The following CASK variants were observed in gnomAD, a reference collection of about 807,000 sequenced individuals.
CASK encodes calcium/calmodulin dependent serine protein kinase, also known as peripheral plasma membrane protein CASK.
A neutral mutation model predicts 82.9 loss-of-function variants in CASK; 4 were observed. The ratio of observed to expected loss-of-function variants is 0.05; its 90% confidence interval spans 0.02 to 0.11. CASK has a LOEUF of 0.11. Among genes scored for constraint, CASK ranks in the 10% least tolerant of loss-of-function variants. The pLI, the probability that CASK is intolerant of heterozygous loss-of-function variation, is 1.00. For synonymous variants in CASK, 259 were observed against 253.5 expected (o/e 1.02, Z -0.20); for missense variants, 358 against 720.9 (o/e 0.50, Z 5.76).
chrX:41,625,942 CTTT>C (rs748063155), intron 10 of CASK, among the ~76,000 whole-genome samples: 12 of 40,353 alleles, frequency 3.0e-4, no homozygotes, highest in East Asian at 2.0e-3. Context: ...GCACGCCTGG[CTTT>C]TTTTTTTTTT....
At chrX:41,611,598 G>GCTCTCCCTCTCCCTCTCC (rs1199138423) in intron 11 of CASK, among the ~76,000 whole-genome samples, 11 of 101,501 alleles carry the variant, frequency 1.1e-4, no homozygotes, top group African/African-American at 3.7e-4. Context: ...CAAGAAAGCA[G>GCTCTCCCTCTCCCTCTCC]CTCTCCCTCT....
At chrX:41,837,108 C>T (rs979665353) in intron 2 of CASK, among the ~76,000 whole-genome samples, 2 of 111,991 alleles carry the variant, frequency 1.8e-5, no homozygotes, top group Admixed American at 1.9e-4. Flanking sequence ...CTAATTATCT[C>T]TTTCATGGAA....
chrX:41,771,927 C>A (rs2069251312), intron 3 of CASK, among the ~76,000 whole-genome samples: 2 of 110,670 alleles, frequency 1.8e-5, no homozygotes, highest in South Asian at 3.8e-4. Context: ...ACAAGAGGTA[C>A]AAATAAAACC....
At chrX:41,902,427 T>C (rs1416369951) in intron 1 of CASK, among the ~76,000 whole-genome samples, 1 of 111,331 alleles carries the variant, frequency 9.0e-6, no homozygotes, top group Non-Finnish European at 1.9e-5. Flanking sequence ...AAACTCTGGT[T>C]GATTCCATTG....
At position 41,660,116 on chromosome X, in the gene CASK, T is replaced by C. The variant is rs2067009494; in HGVS notation, c.831+323A>G. On this transcript the variant is annotated intron_variant, in intron 8 of 26. Transcript: ENST00000378163. ...ACACCCAAAATAAAGATAGTTAATT[T>C]ATTATAACATGGTATTACTTCAGTT... The C allele has an allele frequency of 2.1e-5, 7 of 331,975 alleles. No homozygotes were observed. The South Asian group carries it at 5.1e-4, about 24-fold the overall frequency. The allele number at this position is 331,975 out of a possible 1,213,427, so 27.4% of individuals were successfully genotyped here. A position where few individuals can be genotyped will look rare whatever the true frequency, so the allele number is the denominator to read the frequency against.
intron 2 of CASK, among the ~76,000 whole-genome samples, chrX:41,804,260 A>T (rs2070064146): frequency 9.0e-6 from 1 of 110,733 alleles, no homozygotes. Flanking sequence ...AGGCATGATA[A>T]CTGCTTGAAC....
intron 1 of CASK, among the ~76,000 whole-genome samples, chrX:41,898,115 G>C (rs1380702430): frequency 9.0e-6 from 1 of 110,823 alleles, no homozygotes; most frequent in African/African-American, 3.3e-5. Flanking sequence ...TTTCTTTTGG[G>C]GGAGGTTTTT....
At position 41,795,210 on chromosome X, in the gene CASK, A is replaced by G. The variant is rs556806110; in HGVS notation, c.173-7927T>C. Reference sequence around the variant, plus strand: ...TTATCGTAAAGAAATAACTACCAATATGTGATACTTATTTGAAAAAGGACC... The same window carrying G: ...TTATCGTAAAGAAATAACTACCAATGTGTGATACTTATTTGAAAAAGGACC... On this transcript the variant is annotated intron_variant, in intron 2 of 26. Transcript: ENST00000378163. Among the ~76,000 whole-genome samples, 74 of 112,675 alleles carry G rather than the reference A, an allele frequency of 6.6e-4. No homozygotes were observed. In the South Asian group the frequency reaches 0.026, roughly 39 times the overall value.
rs1234004813 is a variant in CASK, at chrX:41,583,068, C to G, written c.1314+3839G>C. 1.1e-4 allele frequency among the ~76,000 whole-genome samples: 12 copies of G among 111,821 alleles called. No individual in the cohort carries two copies. In the Admixed American group the frequency reaches 1.1e-3, roughly 11 times the overall value. ...TGCCTGGCATAGTGTGCCTGGCATA[C>G]AGTAGGCATTTACTTATTTGATAAA... On this transcript the variant is annotated intron_variant, in intron 14 of 26. Coordinates refer to ENST00000378163, the MANE Select transcript of CASK (RefSeq NM_001367721.1).
intron 11 of CASK, among the ~76,000 whole-genome samples, chrX:41,612,417 C>T (rs1259598155): frequency 1.9e-5 from 2 of 104,741 alleles, no homozygotes; most frequent in Admixed American, 9.9e-5. Context: ...GGAGCCCCTC[C>T]GCCCGGCAGC....
chrX:41,572,372 CCTGTT>C lies in CASK; in HGVS notation c.1504-2631_1504-2627del, dbSNP rs1464373062. Among the ~76,000 whole-genome samples the C allele has an allele frequency of 1.8e-5, 2 of 110,987 alleles. 1 individual carries two copies. Among genetic ancestry groups the C allele is most frequent in the African/African-American group, 6.6e-5 (2 of 30,079 alleles). Reference sequence around the variant, plus strand: ...TGCTATTTGACTTCTATTTGTTCCACCTGTTCTGTTATCTTTTTCTGCCTTTCTTT... The same window carrying C: ...TGCTATTTGACTTCTATTTGTTCCACCTGTTATCTTTTTCTGCCTTTCTTT... On this transcript the variant is annotated intron_variant, in intron 15 of 26. Transcript: ENST00000378163.
At chrX:41,836,476 ATAAT>A (rs1182559670) in intron 2 of CASK, among the ~76,000 whole-genome samples, 1 of 110,054 alleles carries the variant, frequency 9.1e-6, no homozygotes, top group African/African-American at 3.3e-5. Context: ...TTAAGAATCT[ATAAT>A]TAATAATACC....
At chrX:41,676,432 G>A in intron 5 of CASK, 15 of 1,197,669 alleles carry the variant, frequency 1.3e-5, no homozygotes, top group Non-Finnish European at 1.7e-5. Context: ...AGGCTGCCAT[G>A]TCATCATATC....
intron 15 of CASK, among the ~76,000 whole-genome samples, chrX:41,577,983 G>A (rs747901616): frequency 8.9e-6 from 1 of 112,153 alleles, no homozygotes; most frequent in South Asian, 3.7e-4. Context: ...TTTTTACAAT[G>A]TTACTAGACA....
Position 41,704,509 on chromosome X carries a change from G to A in CASK, c.430-32979C>T, listed in dbSNP as rs999690834. Reference sequence around the variant, plus strand: ...AGACCAGGAGATGACCTGATTAAATGCATTAGCATATCTACAGAAAGAATT... The same window carrying A: ...AGACCAGGAGATGACCTGATTAAATACATTAGCATATCTACAGAAAGAATT... On this transcript the variant is annotated intron_variant, in intron 5 of 26. Transcript: ENST00000378163. Among the ~76,000 whole-genome samples, 3 of 112,041 alleles carry A rather than the reference G, an allele frequency of 2.7e-5. No homozygotes were observed. In the Admixed American group the frequency reaches 2.8e-4, roughly 11 times the overall value.
At chrX:41,914,768 C>G (rs2072642400) in intron 1 of CASK, among the ~76,000 whole-genome samples, 1 of 111,669 alleles carries the variant, frequency 9.0e-6, no homozygotes, top group South Asian at 3.7e-4. Context: ...TTAGGAAAAC[C>G]AAATGATTTT....
At position 41,850,119 on chromosome X, in the gene CASK, T is replaced by C. The variant is rs1178802489; in HGVS notation, c.172+2996A>G. ...AACCTGAGCCCAAGGAGGTCGAGGC[T>C]GCAATGAGCCATGATTGCACCACTG... is the stretch of plus-strand genomic sequence containing the variant. On this transcript the variant is annotated intron_variant, in intron 2 of 26. Coordinates refer to ENST00000378163, the MANE Select transcript of CASK (RefSeq NM_001367721.1). Among the ~76,000 whole-genome samples the C allele has an allele frequency of 1.8e-5, 2 of 111,938 alleles. 1 individual carries two copies. Among genetic ancestry groups the C allele is most frequent in the Non-Finnish European group, 3.8e-5 (2 of 53,176 alleles).
At chrX:41,761,220 G>A (rs2068995415) in intron 3 of CASK, among the ~76,000 whole-genome samples, 1 of 111,365 alleles carries the variant, frequency 9.0e-6, no homozygotes, top group Admixed American at 9.6e-5. Flanking sequence ...ACCACAACAA[G>A]TTCCTTCTAG....
At chrX:41,539,427 C>T (rs957746416) in intron 22 of CASK, among the ~76,000 whole-genome samples, 7 of 111,993 alleles carry the variant, frequency 6.3e-5, no homozygotes, top group African/African-American at 2.3e-4. Context: ...AAACATACAG[C>T]CCTTATTTTA....
Sources: allele counts gnomAD v4.1 joint callset (sites outside exome capture counted in the v4.1 genomes callset), GRCh38; gene constraint gnomAD v4.1.1; transcripts MANE v1.5; gene names NCBI Gene and HGNC (gene_info 2026-07-23, HGNC 2026-07-21).